Variants in PNPLA7 observed in about 807,000 individuals in gnomAD.
PNPLA7 encodes the protein patatin like domain 7, lysophospholipase, also known as patatin-like phospholipase domain-containing protein 7.
A neutral mutation model predicts 161.7 loss-of-function variants in PNPLA7; 153 were observed. The ratio of observed to expected loss-of-function variants is 0.95; its 90% CI spans 0.83 to 1.08. PNPLA7 has a LOEUF of 1.08. Among genes scored for constraint, PNPLA7 ranks in the 50% least tolerant of loss-of-function variants. The pLI is 0.00. For synonymous variants in PNPLA7, 809 were observed against 782.1 expected, an observed-to-expected ratio of 1.03 and a Z score of -0.57; for missense variants, 1,739 against 1,856.6, an observed-to-expected ratio of 0.94 and a Z score of 1.16.
intron 25 of PNPLA7, among the ~76,000 whole-genome samples, chr9:137,474,720 A>C (rs1205675301): frequency 6.6e-6 from 1 of 152,160 alleles, no homozygotes; most frequent in African/African-American, 2.4e-5. Context: ...GACCATCAGA[A>C]GCTCCAGGAA....
At chr9:137,462,922 G>C in intron 29 of PNPLA7, 89 bp from the exon 30 acceptor site, 1 of 1,530,922 alleles carries the variant, frequency 6.5e-7, no homozygotes. Context: ...GCCCTGACGT[G>C]GGGGTTGTGG....
At position 137,513,104 on chromosome 9, in the gene PNPLA7, A is replaced by G. The variant is rs372911874; in HGVS notation, c.1225+2275T>C. Among the ~76,000 whole-genome samples the G allele has an allele frequency of 8.6e-4, 131 of 152,344 alleles. 1 individual carries two copies. The South Asian group carries it at 0.026, about 31-fold the overall frequency. ...TGGGTAAATTATCACCATAAAGAGT[A>G]AGGAAAAGATGAATTTCTTCCCTCA... On this transcript the variant is annotated intron_variant, in intron 12 of 34. Transcript: ENST00000406427.
In PNPLA7 at chr9:137,543,893, T is replaced by C; in HGVS notation, c.274-78A>G. The C allele has an allele frequency of 8.0e-7, 1 of 1,255,210 alleles. No homozygotes were observed. Among genetic ancestry groups the C allele is most frequent in the Non-Finnish European group, 1.2e-6 (1 of 859,466 alleles). 77.8% of individuals were successfully genotyped at this position (1,255,210 alleles called of 1,614,324 possible). Reference sequence around the variant, plus strand: ...AGCTCTTTGCCATGGGGATCAGTCCTCAGGACCTGCCTGTGGGCCTCCCAC... The same window carrying C: ...AGCTCTTTGCCATGGGGATCAGTCCCCAGGACCTGCCTGTGGGCCTCCCAC... On this transcript the variant is annotated intron_variant, in intron 4 of 34. Transcript: ENST00000406427. This position sits in a 1 kb window ranked among gnomAD's most constrained non-coding sequence, Gnocchi z 6.9.
chr9:137,479,185 C>T lies in PNPLA7; in HGVS notation c.2634G>A (p.Leu878=), dbSNP rs1280409924. 2 of 1,563,826 alleles carry T rather than the reference C, an allele frequency of 1.3e-6. No individual in the cohort carries two copies. Among genetic ancestry groups the T allele is most frequent in the South Asian group, 2.3e-5 (2 of 85,202 alleles). Residue 878 remains leucine, a synonymous_variant, in exon 24 of 35, where the codon CTG becomes CTA. Coordinates refer to ENST00000406427, the MANE Select transcript of PNPLA7 (RefSeq NM_001098537.3). ...TAVRAQKQLI[L]LHREEGPAPA... ...GCGCCGGGCCCTCCTCCCTGTGCAG[C>T]AGGATCAGCTGCTTCTGGGCACGCA...
chr9:137,542,817 G>A lies in PNPLA7; in HGVS notation c.507-16C>T, dbSNP rs752752413. 65 of 1,601,862 alleles carry A rather than the reference G, an allele frequency of 4.1e-5. 1 individual carries two copies. The South Asian group carries it at 7.0e-4, about 17-fold the overall frequency. On this transcript the variant is annotated splice_polypyrimidine_tract_variant and intron_variant, in intron 6 of 34. Transcript: ENST00000406427. ...GCCCAGGACCCTGCAAGAGCCAGAG[G>A]GCACTGTGGGACGCCCTTCCAGGGG...
intron 13 of PNPLA7, 81 bp from the exon 14 acceptor site, chr9:137,505,841 G>T (rs925739144): frequency 6.4e-7 from 1 of 1,569,412 alleles, no homozygotes; most frequent in Non-Finnish European, 8.7e-7. Context: ...GGTCTGAATC[G>T]CACAGTGCGG....
chr9:137,489,200 G>A (rs1832651031), intron 20 of PNPLA7, among the ~76,000 whole-genome samples: 1 of 152,246 alleles, frequency 6.6e-6, no homozygotes, highest in Non-Finnish European at 1.5e-5. Flanking sequence ...CGCAGCCTGT[G>A]CCAGGGTCAG....
intron 1 of PNPLA7, among the ~76,000 whole-genome samples, chr9:137,549,102 T>C (rs569800508): frequency 6.6e-6 from 1 of 152,386 alleles, no homozygotes; most frequent in Admixed American, 6.5e-5. Context: ...CAGCCTTTTC[T>C]AGCTTTTCAC....
intron 25 of PNPLA7, among the ~76,000 whole-genome samples, chr9:137,477,817 C>A (rs953559057): frequency 6.6e-6 from 1 of 152,250 alleles, no homozygotes; most frequent in Non-Finnish European, 1.5e-5. Flanking sequence ...AAAACCAGGG[C>A]CACTTTGGGT....
Position 137,525,927 on chromosome 9 carries a change from CTT to C in PNPLA7, c.748-3072_748-3071del, listed in dbSNP as rs1292962027. Among the ~76,000 whole-genome samples, 89 of 149,192 alleles carry C rather than the reference CTT, an allele frequency of 6.0e-4. 2 individuals carry two copies. The highest frequency in any genetic ancestry group is 1.5e-5 in the Non-Finnish European group (1 of 66,972). On this transcript the variant is annotated intron_variant, in intron 8 of 34. Transcript: ENST00000406427. ...GTCTGGGCATAACAGAAGGCTCACA[CTT>C]GTCTTTGGTCGCTTCTCACCATGTC...
At chr9:137,542,288 C>A (rs1319090555) in intron 7 of PNPLA7, among the ~76,000 whole-genome samples, 2 of 152,082 alleles carry the variant, frequency 1.3e-5, no homozygotes, top group Non-Finnish European at 2.9e-5. Flanking sequence ...GGACAACAAA[C>A]TGAGACTCCA....
intron 23 of PNPLA7, chr9:137,479,717 A>G (rs1832114340): frequency 1.0e-6 from 1 of 985,432 alleles, no homozygotes. Flanking sequence ...GAACACGAAC[A>G]GGACTGGGTG....
intron 20 of PNPLA7, chr9:137,491,690 A>G: frequency 1.0e-6 from 1 of 984,790 alleles, no homozygotes; most frequent in Non-Finnish European, 1.2e-6. Flanking sequence ...AGTGGGGCTC[A>G]CACTTCGCTG....
At chr9:137,473,806 G>A (rs370693945) in intron 25 of PNPLA7, among the ~76,000 whole-genome samples, 16 of 151,342 alleles carry the variant, frequency 1.1e-4, no homozygotes, top group African/African-American at 3.7e-4. Flanking sequence ...ATTACCAAGG[G>A]TCGGTGGGGA....
chr9:137,480,617 C>T (rs1003272229), intron 22 of PNPLA7, 137 bp from the exon 23 acceptor site: 5 of 1,010,298 alleles, frequency 4.9e-6, no homozygotes, highest in South Asian at 1.7e-5. Context: ...TTCCTGCCAT[C>T]GCTAGTTCGC....
chr9:137,538,190 G>A (rs1035679740), intron 8 of PNPLA7, among the ~76,000 whole-genome samples: 22 of 152,338 alleles, frequency 1.4e-4, no homozygotes, highest in Non-Finnish European at 2.5e-4. Context: ...TTGCTCAAAG[G>A]AGGTGGGTGT....
At chr9:137,482,474 G>A (rs753292834) in intron 21 of PNPLA7, among the ~76,000 whole-genome samples, 4 of 152,228 alleles carry the variant, frequency 2.6e-5, no homozygotes, top group Admixed American at 6.5e-5. Context: ...GGAGAAGGCC[G>A]TCTGCAGAGG....
chr9:137,540,017 C>CTTGT lies in PNPLA7; in HGVS notation c.747+621_747+624dup, dbSNP rs1237457673. Among the ~76,000 whole-genome samples, 1 of 152,180 alleles carries CTTGT rather than the reference C, an allele frequency of 6.6e-6. No individual in the cohort carries two copies. The highest frequency in any genetic ancestry group is 1.5e-5 in the Non-Finnish European group (1 of 68,040). ...GCCAGGCTGGTCTCGATCTCTTGACCTTGTGATCCACCCACCTCAGCCTCG... is the reference window on the plus strand; with the variant it reads ...GCCAGGCTGGTCTCGATCTCTTGACCTTGTTTGTGATCCACCCACCTCAGCCTCG... On this transcript the variant is annotated intron_variant, in intron 8 of 34. Coordinates refer to ENST00000406427, the MANE Select transcript of PNPLA7 (RefSeq NM_001098537.3). This position sits in a 1 kb window ranked among gnomAD's most constrained non-coding sequence, Gnocchi z 5.1.
intron 25 of PNPLA7, among the ~76,000 whole-genome samples, chr9:137,472,971 T>C (rs959763584): frequency 1.4e-5 from 2 of 147,576 alleles, no homozygotes; most frequent in African/African-American, 5.0e-5. Flanking sequence ...GAAAAAAAAA[T>C]GGTTTAATGG....
Sources: allele counts gnomAD v4.1 joint callset (sites outside exome capture counted in the v4.1 genomes callset), GRCh38; gene constraint gnomAD v4.1.1; non-coding constraint Gnocchi (gnomAD v3.1); transcripts MANE v1.5; gene names NCBI Gene and HGNC (gene_info 2026-07-23, HGNC 2026-07-21).